The following CLPSL2 variants were observed in gnomAD, a reference collection of about 807,000 sequenced individuals.
CLPSL2 encodes the protein colipase-like protein 2.
CLPSL2 carries 4 observed loss-of-function variants against 7.9 expected under a neutral mutation model. The ratio of observed to expected loss-of-function variants is 0.50; its 90% CI spans 0.25 to 1.15. CLPSL2 has a LOEUF of 1.15. Among genes scored for constraint, CLPSL2 ranks in the 50% most tolerant of loss-of-function variants. CLPSL2 has a pLI of 0.15. For missense variants in CLPSL2, 132 were observed against 136.6 expected (o/e 0.97, Z 0.17); for synonymous variants, 67 against 53.1 (o/e 1.26, Z -1.14).
In CLPSL2 at chr6:35,776,658, G is replaced by C; in HGVS notation, c.40G>C (p.Gly14Arg). ...GGCGCTCGTGGCGGGGGTCCTGTCG[G>C]GGGCGGTGCTGCCCCTCTGGAGCGC... ...ALALVAGVLS[G>R]AVLPLWSALP... The change falls in exon 1 of 3, where the codon GGG becomes CGG. Residue 14 changes from glycine to arginine, a missense_variant. Gly to Arg is a moderately radical substitution (Grantham distance 125). Transcript: ENST00000403376. The C allele has an allele frequency of 2.0e-5, 30 of 1,493,066 alleles. No individual in the cohort carries two copies. The highest frequency in any genetic ancestry group is 2.7e-5 in the Non-Finnish European group (30 of 1,128,892). The allele number at this position is 1,493,066 out of a possible 1,614,324, so 92.5% of individuals were successfully genotyped here.
At chr6:35,779,009 T>A (rs1488073510) in intron 2 of CLPSL2, among the ~76,000 whole-genome samples, 1 of 152,014 alleles carries the variant, frequency 6.6e-6, no homozygotes, top group Non-Finnish European at 1.5e-5. Context: ...TGACCTCAGG[T>A]GATCCACCCG....
intron 2 of CLPSL2, chr6:35,777,906 C>A: frequency 1.4e-6 from 1 of 717,502 alleles, no homozygotes; most frequent in Middle Eastern, 2.8e-4. Context: ...GAAGCACCTA[C>A]CCCCAGCTTA....
intron 2 of CLPSL2, among the ~76,000 whole-genome samples, chr6:35,778,682 G>T (rs952921148): frequency 4.6e-5 from 7 of 152,260 alleles, no homozygotes; most frequent in Non-Finnish European, 8.8e-5. Flanking sequence ...ACCTTTCTAG[G>T]ATGGATGGAC....
rs1184092270 is a variant in CLPSL2 at position 35,776,674 on chromosome 6, T to A, written c.56T>A (p.Leu19His). The A allele has an allele frequency of 6.8e-7, 1 of 1,472,066 alleles. No homozygotes were observed. The highest frequency in any genetic ancestry group is 8.9e-7 in the Non-Finnish European group (1 of 1,119,308). 91.2% of individuals were successfully genotyped at this position (1,472,066 alleles called of 1,614,324 possible). The change falls in exon 1 of 3, where the codon CTC becomes CAC. Residue 19 changes from leucine (L) to histidine (H), a missense_variant. Coordinates refer to ENST00000403376, the MANE Select transcript of CLPSL2 (RefSeq NM_207409.4). ...GTCCTGTCGGGGGCGGTGCTGCCCC[T>A]CTGGAGCGCGCTTCCGCAATATAAA... ...AGVLSGAVLP[L>H]WSALPQYKKK...
Position 35,776,684 on chromosome 6 carries a change from G to C in CLPSL2, c.66G>C (p.Ala22=), listed in dbSNP as rs1221326156. The C allele has an allele frequency of 2.1e-6, 3 of 1,462,194 alleles. No homozygotes were observed. The highest frequency in any genetic ancestry group is 1.8e-6 in the Non-Finnish European group (2 of 1,115,188). 90.6% of individuals were successfully genotyped at this position (1,462,194 alleles called of 1,614,324 possible). A position where few individuals can be genotyped will look rare whatever the true frequency, so the allele number is the denominator to read the frequency against. Residue 22 remains alanine (A), a synonymous_variant, in exon 1 of 3, where the codon GCG becomes GCC. Coordinates refer to ENST00000403376, the MANE Select transcript of CLPSL2 (RefSeq NM_207409.4). ...LSGAVLPLWS[A]LPQYKKKITD... ...GGGCGGTGCTGCCCCTCTGGAGCGCGCTTCCGCAATATAAAAAGGTGAGCC... is the reference window on the plus strand; with the variant it reads ...GGGCGGTGCTGCCCCTCTGGAGCGCCCTTCCGCAATATAAAAAGGTGAGCC...
chr6:35,777,245 A>G (rs2151057526), intron 1 of CLPSL2, among the ~76,000 whole-genome samples: 1 of 151,562 alleles, frequency 6.6e-6, no homozygotes, highest in South Asian at 2.1e-4. Flanking sequence ...GCCGAGGGAA[A>G]AGTGCTAATC....
At chr6:35,777,662 G>GT (rs1767871700) in intron 2 of CLPSL2, 81 bp downstream of exon 2, 2 of 1,444,432 alleles carry the variant, frequency 1.4e-6, no homozygotes, top group East Asian at 4.9e-5. Flanking sequence ...GGCCCCACCT[G>GT]TTTTTTCACC....
rs531966296 is a variant in CLPSL2, at chr6:35,777,854, T to C, written c.207+273T>C. 9.3e-5 allele frequency: 67 copies of C among 717,682 alleles called. No individual in the cohort carries two copies. In the African/African-American group the frequency reaches 1.0e-3, roughly 11 times the overall value. The allele number at this position is 717,682 out of a possible 1,614,324, so 44.5% of individuals were successfully genotyped here. Reference sequence around the variant, plus strand: ...GTCTTTTCTCTGCCTCTCCCAGTGGTTGGAACTCTTCAAGGGCAGGGATCG... The same window carrying C: ...GTCTTTTCTCTGCCTCTCCCAGTGGCTGGAACTCTTCAAGGGCAGGGATCG... On this transcript the variant is annotated intron_variant, in intron 2 of 2. Coordinates refer to ENST00000403376, the MANE Select transcript of CLPSL2 (RefSeq NM_207409.4).
Position 35,778,153 on chromosome 6 carries a change from G to T in CLPSL2, c.207+572G>T, listed in dbSNP as rs367890933. On this transcript the variant is annotated intron_variant, in intron 2 of 2. Transcript: ENST00000403376. The stretch of plus-strand genomic sequence containing the variant: ...GTATCTTTGGTAGAGATGGGGTTTT[G>T]CCATGTTGGCCAAGCCGGTCTTGAA... Among the ~76,000 whole-genome samples, 4 of 152,236 alleles carry T rather than the reference G, an allele frequency of 2.6e-5. No individual in the cohort carries two copies. The South Asian group carries it at 8.3e-4, about 32-fold the overall frequency.
intron 2 of CLPSL2, among the ~76,000 whole-genome samples, chr6:35,778,419 GGACCTGAGTTTAAATCCT>G (rs2151058047): frequency 6.6e-6 from 1 of 152,332 alleles, no homozygotes; most frequent in African/African-American, 2.4e-5. Flanking sequence ...CTTTGCAGTT[GGACCTGAGTTTAAATCCT>G]GACTTTTCCA....
rs1767841576 is a variant in CLPSL2, at chr6:35,776,664, G to A, written c.46G>A (p.Val16Met). 2.0e-6 allele frequency: 3 copies of A among 1,485,908 alleles called. No homozygotes were observed. The South Asian group carries it at 3.8e-5, about 19-fold the overall frequency. The allele number at this position is 1,485,908 out of a possible 1,614,324, so 92.0% of individuals were successfully genotyped here. A position where few individuals can be genotyped will look rare whatever the true frequency, so the allele number is the denominator to read the frequency against. Reference sequence around the variant, plus strand: ...CGTGGCGGGGGTCCTGTCGGGGGCGGTGCTGCCCCTCTGGAGCGCGCTTCC... The same window carrying A: ...CGTGGCGGGGGTCCTGTCGGGGGCGATGCTGCCCCTCTGGAGCGCGCTTCC... Reference protein sequence around the residue: ...ALVAGVLSGAVLPLWSALPQY... With the variant: ...ALVAGVLSGAMLPLWSALPQY... Residue 16 changes from valine to methionine, a missense_variant, in exon 1 of 3, where the codon GTG becomes ATG. By Grantham distance (21) the Val-to-Met change is conservative. Coordinates refer to ENST00000403376, the MANE Select transcript of CLPSL2 (RefSeq NM_207409.4).
In CLPSL2 at chr6:35,779,384, T is replaced by G; in HGVS notation, c.237T>G (p.Pro79=). The G allele has an allele frequency of 6.3e-7, 1 of 1,583,658 alleles. No individual in the cohort carries two copies. The highest frequency in any genetic ancestry group is 8.6e-7 in the Non-Finnish European group (1 of 1,163,736). Reference sequence around the variant, plus strand: ...AGGGAGCTACCAACATCATCTGCCCTTGCCGGATGGGCTTGACGTGCATAT... The same window carrying G: ...AGGGAGCTACCAACATCATCTGCCCGTGCCGGATGGGCTTGACGTGCATAT... ...QTKGATNIIC[P]CRMGLTCISK... The change falls in exon 3 of 3, where the codon CCT becomes CCG. Residue 79 remains proline, a synonymous_variant. Coordinates refer to ENST00000403376, the MANE Select transcript of CLPSL2 (RefSeq NM_207409.4).
chr6:35,779,491 GCC>G lies in CLPSL2; in HGVS notation c.*43_*44del. On this transcript the variant is annotated 3_prime_UTR_variant, in exon 3 of 3. Transcript: ENST00000403376. The stretch of plus-strand genomic sequence containing the variant: ...GGTCACTGCTCCCTTGGGGCCATAG[GCC>G]CTGGTTGCCACCAACTTGCTCCAAA... 6.4e-7 allele frequency: 1 copy of G among 1,553,806 alleles called. No individual in the cohort carries two copies. Among genetic ancestry groups the G allele is most frequent in the Non-Finnish European group, 8.7e-7 (1 of 1,148,016 alleles).
At chr6:35,778,389 C>T (rs1048675451) in intron 2 of CLPSL2, among the ~76,000 whole-genome samples, 2 of 152,256 alleles carry the variant, frequency 1.3e-5, no homozygotes, top group African/African-American at 2.4e-5. Context: ...GAGCATGGCA[C>T]TGCAGTGGCA....
intron 1 of CLPSL2, among the ~76,000 whole-genome samples, 164 bp from the exon 2 acceptor site, chr6:35,777,295 G>C (rs1336556168): frequency 7.0e-6 from 1 of 141,956 alleles, no homozygotes; most frequent in East Asian, 2.0e-4. Flanking sequence ...CCTGCTGAGG[G>C]GCCGGGGTGG....
chr6:35,777,595 A>C lies in CLPSL2; in HGVS notation c.207+14A>C. 6.2e-7 allele frequency: 1 copy of C among 1,607,524 alleles called. No homozygotes were observed. The highest frequency in any genetic ancestry group is 8.5e-7 in the Non-Finnish European group (1 of 1,176,856). On this transcript the variant is annotated intron_variant, in intron 2 of 2. Coordinates refer to ENST00000403376, the MANE Select transcript of CLPSL2 (RefSeq NM_207409.4). Reference sequence around the variant, plus strand: ...TGCTTGCCCCAGGTGAGGCCCTAGTATGGGGCAACTTCTGGCAAGTAGAGA... The same window carrying C: ...TGCTTGCCCCAGGTGAGGCCCTAGTCTGGGGCAACTTCTGGCAAGTAGAGA...
intron 2 of CLPSL2, 112 bp from the exon 3 acceptor site, chr6:35,779,243 C>G: frequency 5.1e-6 from 4 of 786,884 alleles, no homozygotes; most frequent in Non-Finnish European, 6.0e-6. Flanking sequence ...AGAGACAGCC[C>G]AGGTCTGTCT....
At chr6:35,776,792 C>A in intron 1 of CLPSL2, 90 bp downstream of exon 1, 1 of 1,200,414 alleles carries the variant, frequency 8.3e-7, no homozygotes, top group Non-Finnish European at 1.1e-6. Flanking sequence ...GCCGGGCAGC[C>A]TGAAAGGGAG....
At position 35,776,634 on chromosome 6, in the gene CLPSL2, G is replaced by A. The variant is rs1561936041; in HGVS notation, c.16G>A (p.Ala6Thr). MAAAL[A>T]LVAGVLSGAV... ...GCCCAGGCCCATGGCCGCAGCCCTG[G>A]CGCTCGTGGCGGGGGTCCTGTCGGG... The change falls in exon 1 of 3, where the codon GCG (alanine) becomes ACG (threonine). Residue 6 changes from alanine (A) to threonine (T), a missense_variant. Physicochemically the swap from Ala to Thr is moderately conservative, Grantham distance 58. Coordinates refer to ENST00000403376, the MANE Select transcript of CLPSL2 (RefSeq NM_207409.4). 5 of 1,498,100 alleles carry A rather than the reference G, an allele frequency of 3.3e-6. 1 individual carries two copies. In the South Asian group the frequency reaches 3.7e-5, roughly 11 times the overall value. 92.8% of individuals were successfully genotyped at this position (1,498,100 alleles called of 1,614,324 possible).
Sources: gnomAD v4.1 joint callset for allele counts (sites outside exome capture counted in the v4.1 genomes callset) on GRCh38, gnomAD v4.1.1 for gene constraint, MANE v1.5 for transcripts, NCBI Gene and HGNC (gene_info 2026-07-23, HGNC 2026-07-21) for gene names.